Variants in ROR2 observed in about 807,000 individuals in gnomAD.
ROR2 encodes tyrosine-protein kinase transmembrane receptor ROR2.
ROR2 carries 33 observed loss-of-function variants against 74.9 expected under a neutral mutation model. The observed-to-expected ratio is 0.44, with a 90% CI of 0.33 to 0.59. The LOEUF is 0.59. Among genes scored for constraint, ROR2 ranks in the 20% least tolerant of loss-of-function variants. ROR2 has a pLI of 0.02. For missense variants in ROR2, 1,216 were observed against 1,313.8 expected, an observed-to-expected ratio of 0.93 and a Z score of 1.15; for synonymous variants, 586 against 558.7, an observed-to-expected ratio of 1.05 and a Z score of -0.69.
intron 1 of ROR2, among the ~76,000 whole-genome samples, chr9:91,896,255 G>A (rs1830535775): frequency 6.6e-6 from 1 of 152,202 alleles, no homozygotes; most frequent in Non-Finnish European, 1.5e-5. Flanking sequence ...CCTTGCCAGT[G>A]CCGCTCCACT....
chr9:91,910,927 G>C (rs909397616), intron 1 of ROR2, among the ~76,000 whole-genome samples: 1 of 152,182 alleles, frequency 6.6e-6, no homozygotes, highest in African/African-American at 2.4e-5. Context: ...GCCTCCCAAA[G>C]TGCTGGGATT....
chr9:91,913,389 C>T (rs1264216263), intron 1 of ROR2, among the ~76,000 whole-genome samples: 10 of 152,024 alleles, frequency 6.6e-5, no homozygotes, highest in Admixed American at 3.9e-4. Flanking sequence ...TTTTTTCTCT[C>T]TTTGTTCCAG....
At chr9:91,868,386 CAGA>C (rs1032987569) in intron 1 of ROR2, among the ~76,000 whole-genome samples, 2 of 151,728 alleles carry the variant, frequency 1.3e-5, no homozygotes, top group African/African-American at 2.4e-5. Context: ...CCCAGATTCC[CAGA>C]AGAAGAAGAA....
At chr9:91,741,067 C>T (rs1825219613) in intron 4 of ROR2, among the ~76,000 whole-genome samples, 1 of 151,954 alleles carries the variant, frequency 6.6e-6, no homozygotes, top group Non-Finnish European at 1.5e-5. Flanking sequence ...TTTGGGAGGC[C>T]AAGGTGGGTG....
intron 1 of ROR2, among the ~76,000 whole-genome samples, chr9:91,836,346 C>A (rs528783476): frequency 6.6e-6 from 1 of 152,116 alleles, no homozygotes; most frequent in African/African-American, 2.4e-5. Flanking sequence ...TCGAAGCCAG[C>A]CTGGCCAACA....
intron 1 of ROR2, among the ~76,000 whole-genome samples, chr9:91,792,289 A>T (rs975738612): frequency 1.3e-5 from 2 of 151,566 alleles, no homozygotes; most frequent in Non-Finnish European, 1.5e-5. Context: ...AAAAATCGAG[A>T]CCAAAAGTTG....
chr9:91,757,230 C>T, intron 3 of ROR2, 42 bp downstream of exon 3: 6 of 1,612,896 alleles, frequency 3.7e-6, no homozygotes, highest in Non-Finnish European at 4.2e-6. Context: ...GGCTGGGAAC[C>T]TTCATATCTG....
chr9:91,807,629 G>A (rs1461389198), intron 1 of ROR2, among the ~76,000 whole-genome samples: 2 of 152,164 alleles, frequency 1.3e-5, no homozygotes, highest in Admixed American at 6.5e-5. Flanking sequence ...TCCTCAATGA[G>A]GGGGGATCAG....
intron 5 of ROR2, among the ~76,000 whole-genome samples, chr9:91,735,021 T>C (rs543006685): frequency 1.1e-3 from 169 of 151,480 alleles, no homozygotes; most frequent in African/African-American, 4.0e-3. Context: ...CTGTCAAAAA[T>C]GTAGGTAGGC....
intron 1 of ROR2, among the ~76,000 whole-genome samples, chr9:91,921,723 C>T (rs941932619): frequency 2.0e-5 from 3 of 152,080 alleles, no homozygotes; most frequent in Admixed American, 6.5e-5. Flanking sequence ...AGTAGCCAGG[C>T]GTGGCGGCGC....
At chr9:91,907,300 G>A (rs1830845738) in intron 1 of ROR2, among the ~76,000 whole-genome samples, 1 of 152,080 alleles carries the variant, frequency 6.6e-6, no homozygotes, top group Admixed American at 6.5e-5. Context: ...AGGCAGGACA[G>A]TGCTGATGAC....
chr9:91,743,351 C>T (rs1475933755), intron 4 of ROR2, among the ~76,000 whole-genome samples: 1 of 152,138 alleles, frequency 6.6e-6, no homozygotes, highest in Non-Finnish European at 1.5e-5. Context: ...GCAGGTGAAT[C>T]ACTTGAGGTC....
rs767223973 is a variant in ROR2, at chr9:91,905,546, CACAAT to C, written c.97+44316_97+44320del. On this transcript the variant is annotated intron_variant, in intron 1 of 8. Transcript: ENST00000375708. This position sits in a 1 kb window ranked among gnomAD's most constrained non-coding sequence, Gnocchi z 5.3. ...CTACACACAACCCAACATACACAGA[CACAAT>C]ACAACACATACACAAACATACAACA... Among the ~76,000 whole-genome samples, 1 of 151,824 alleles carries C rather than the reference CACAAT, an allele frequency of 6.6e-6. No homozygotes were observed. Among genetic ancestry groups the C allele is most frequent in the African/African-American group, 2.4e-5 (1 of 41,284 alleles).
intron 2 of ROR2, among the ~76,000 whole-genome samples, chr9:91,764,413 T>C (rs1212679926): frequency 6.6e-6 from 1 of 152,216 alleles, no homozygotes; most frequent in Non-Finnish European, 1.5e-5. Context: ...CTATCTTCTA[T>C]TGGATTTTTA....
intron 4 of ROR2, among the ~76,000 whole-genome samples, chr9:91,752,438 T>G (rs1825622464): frequency 6.6e-6 from 1 of 152,222 alleles, no homozygotes; most frequent in Non-Finnish European, 1.5e-5. Context: ...ACAACACAGA[T>G]GAATCTCAAA....
rs372509332 is a variant in ROR2, at chr9:91,724,304, G to A, written c.2190C>T (p.Asn730=). Residue 730 remains asparagine, a synonymous_variant, in exon 9 of 9, where the codon AAC becomes AAT. Coordinates refer to ENST00000375708, the MANE Select transcript of ROR2 (RefSeq NM_004560.4). ...WVYALMIECW[N]EFPSRRPRFK... ...AGCGGGGCCGCCGGCTGGGGAACTC[G>A]TTCCAGCACTCGATCATGAGGGCAT... The A allele has an allele frequency of 2.9e-5, 46 of 1,612,990 alleles. No homozygotes were observed. The East Asian group carries it at 4.7e-4, about 16-fold the overall frequency.
At chr9:91,940,594 C>CTTTTT (rs570738211) in intron 1 of ROR2, among the ~76,000 whole-genome samples, 7 of 142,664 alleles carry the variant, frequency 4.9e-5, no homozygotes, top group Non-Finnish European at 4.6e-5. Context: ...ACGTGCAATT[C>CTTTTT]TTTTTTTTTT....
At position 91,848,764 on chromosome 9, in the gene ROR2, GAAAAAAAAAAAA is replaced by G. The variant is rs36044426; in HGVS notation, c.98-72958_98-72947del. Among the ~76,000 whole-genome samples, 150 of 103,764 alleles carry G rather than the reference GAAAAAAAAAAAA, an allele frequency of 1.4e-3. 1 individual carries two copies. Among genetic ancestry groups the G allele is most frequent in the Non-Finnish European group, 2.4e-3 (120 of 49,784 alleles). The allele number at this position is 103,764 out of a possible 152,430, so 68.1% of individuals were successfully genotyped here. Reference sequence around the variant, plus strand: ...AGTGAGACTCCGTCTCAGGGGGGAAGAAAAAAAAAAAAAAAAAAAAAACAGTTGGACCTAAGG... The same window carrying G: ...AGTGAGACTCCGTCTCAGGGGGGAAGAAAAAAAAAACAGTTGGACCTAAGG... On this transcript the variant is annotated intron_variant, in intron 1 of 8. Coordinates refer to ENST00000375708, the MANE Select transcript of ROR2 (RefSeq NM_004560.4).
intron 2 of ROR2, among the ~76,000 whole-genome samples, chr9:91,770,876 A>G (rs879567130): frequency 1.3e-5 from 2 of 152,184 alleles, no homozygotes; most frequent in Non-Finnish European, 2.9e-5. Context: ...TCCAGAATAA[A>G]CCAGAAGCAC....
Sources: gnomAD v4.1 joint callset for allele counts (sites outside exome capture counted in the v4.1 genomes callset) on GRCh38, gnomAD v4.1.1 for gene constraint, Gnocchi (gnomAD v3.1) non-coding constraint, MANE v1.5 for transcripts, NCBI Gene and HGNC (gene_info 2026-07-23, HGNC 2026-07-21) for gene names.